The following FOXP2 variants were observed in gnomAD, a reference collection of about 807,000 sequenced individuals.
FOXP2 encodes the protein forkhead box protein P2.
Under a neutral mutation model 115.8 loss-of-function variants are expected in FOXP2, and 12 were observed. That is an observed-to-expected ratio of 0.10 (90% CI 0.07 to 0.17). FOXP2 has a LOEUF of 0.17. FOXP2 is among the 10% of genes least tolerant of loss of function. FOXP2 has a pLI of 1.00. For missense variants in FOXP2, 629 were observed against 843.5 expected (o/e 0.75, Z 3.15); for synonymous variants, 328 against 297.7 (o/e 1.10, Z -1.05).
chr7:114,337,529 A>G (rs183648848), intron 2 of FOXP2, among the ~76,000 whole-genome samples: 1 of 151,342 alleles, frequency 6.6e-6, no homozygotes, highest in Admixed American at 6.6e-5. Context: ...TAAAACAAAG[A>G]GGAGAGTGGT....
intron 1 of FOXP2, among the ~76,000 whole-genome samples, chr7:114,185,972 C>T (rs1053674764): frequency 1.2e-4 from 18 of 151,222 alleles, no homozygotes; most frequent in African/African-American, 3.7e-4. Context: ...TATGGCATCA[C>T]GTGGAAGAAG....
At chr7:114,561,611 A>G (rs1286693725) in intron 3 of FOXP2, 1 of 152,220 alleles carries the variant, frequency 6.6e-6, no homozygotes, top group Admixed American at 6.5e-5. Flanking sequence ...TTTGTTAGCA[A>G]TGAATGGCAC....
At chr7:114,529,562 A>G (rs745507892) in intron 2 of FOXP2, among the ~76,000 whole-genome samples, 13 of 151,916 alleles carry the variant, frequency 8.6e-5, no homozygotes, top group Non-Finnish European at 1.6e-4. Flanking sequence ...ATAGTGATGT[A>G]CAGTGTAAAT....
chr7:114,161,403 C>T (rs1005178637), upstream of FOXP2, among the ~76,000 whole-genome samples: 1 of 152,106 alleles, frequency 6.6e-6, no homozygotes, highest in Non-Finnish European at 1.5e-5. Context: ...GAAAATTGCA[C>T]AAGTATCAAT....
At chr7:114,608,501 A>T (rs1482091608) in intron 3 of FOXP2, among the ~76,000 whole-genome samples, 1 of 152,244 alleles carries the variant, frequency 6.6e-6, no homozygotes, top group Non-Finnish European at 1.5e-5. Context: ...AAGTGATCAC[A>T]GTAGTCACAT....
chr7:114,172,248 G>A (rs998647905), intron 1 of FOXP2, among the ~76,000 whole-genome samples: 7 of 152,144 alleles, frequency 4.6e-5, no homozygotes, highest in African/African-American at 1.7e-4. Context: ...ACTTTATTAC[G>A]GTAGTCTGAT....
chr7:114,124,527 C>T (rs577884681), intron 1 of FOXP2, among the ~76,000 whole-genome samples: 19 of 152,140 alleles, frequency 1.2e-4, no homozygotes, highest in African/African-American at 4.6e-4. Context: ...CTGATTAACA[C>T]ATGACATAAT....
At chr7:114,163,621 A>G (rs941863821) in intron 1 of FOXP2, among the ~76,000 whole-genome samples, 2 of 152,182 alleles carry the variant, frequency 1.3e-5, no homozygotes, top group African/African-American at 4.8e-5. Flanking sequence ...AGTGTACTGG[A>G]AAGACTGATT....
chr7:114,162,441 C>A (rs1470726501), upstream of FOXP2, among the ~76,000 whole-genome samples: 1 of 152,000 alleles, frequency 6.6e-6, no homozygotes, highest in Admixed American at 6.6e-5. Context: ...AGGCCCTGTA[C>A]TGTTTCTGGT....
intron 3 of FOXP2, among the ~76,000 whole-genome samples, chr7:114,626,477 A>C (rs1804591435): frequency 6.6e-6 from 1 of 151,806 alleles, no homozygotes; most frequent in Non-Finnish European, 1.5e-5. Context: ...AGGAGCGGTT[A>C]TGTAAGAAAA....
chr7:114,372,446 G>C (rs189997785), intron 2 of FOXP2, among the ~76,000 whole-genome samples: 124 of 152,162 alleles, frequency 8.1e-4, no homozygotes, highest in African/African-American at 2.6e-3. Context: ...AGCATTTCCT[G>C]GGAAAACTGG....
At position 114,260,884 on chromosome 7, in the gene FOXP2, A is replaced by G. The variant is rs1352681575; in HGVS notation, c.-101-27135A>G. Among the ~76,000 whole-genome samples, 4 of 149,980 alleles carry G rather than the reference A, an allele frequency of 2.7e-5. No individual in the cohort carries two copies. In the South Asian group the frequency reaches 8.3e-4, roughly 31 times the overall value. On this transcript the variant is annotated intron_variant, in intron 1 of 17. Coordinates refer to the FOXP2 transcript ENST00000634411. ...CCCAGGCAATTAACCGAACACATGA[A>G]AAAAGAAATTAACGAGTGGGTGGAA...
chr7:114,169,100 C>G (rs536599193), intron 1 of FOXP2, among the ~76,000 whole-genome samples: 1 of 152,346 alleles, frequency 6.6e-6, no homozygotes, highest in East Asian at 1.9e-4. Flanking sequence ...TCTGCTAGGG[C>G]AGTGCAGAAG....
chr7:114,386,993 T>C (rs973723857), intron 2 of FOXP2, among the ~76,000 whole-genome samples: 1 of 152,204 alleles, frequency 6.6e-6, no homozygotes, highest in African/African-American at 2.4e-5. Flanking sequence ...GTGAACAACT[T>C]ACCTCATCAG....
chr7:114,443,882 T>C (rs1022913302), intron 2 of FOXP2, among the ~76,000 whole-genome samples: 2 of 152,180 alleles, frequency 1.3e-5, no homozygotes, highest in African/African-American at 2.4e-5. Context: ...GAGATGAATA[T>C]ATGCATGCAT....
At chr7:114,645,173 TA>T (rs1805817046) in intron 8 of FOXP2, 2 of 127,612 alleles carry the variant, frequency 1.6e-5, no homozygotes, top group African/African-American at 6.0e-5. Context: ...TATATATATA[TA>T]TATATTTCAG....
chr7:114,398,331 A>T (rs1027410819), intron 2 of FOXP2, among the ~76,000 whole-genome samples: 3 of 152,174 alleles, frequency 2.0e-5, no homozygotes, highest in African/African-American at 7.2e-5. Flanking sequence ...TCTTAAATAG[A>T]CAATAAATGA....
At chr7:114,605,098 G>A (rs945018514) in intron 3 of FOXP2, among the ~76,000 whole-genome samples, 2 of 152,166 alleles carry the variant, frequency 1.3e-5, no homozygotes, top group Admixed American at 1.3e-4. Flanking sequence ...TTAACTCAGA[G>A]TTGTACTTGT....
intron 1 of FOXP2, chr7:114,419,919 T>A (rs1391585675): frequency 6.6e-6 from 1 of 151,936 alleles, no homozygotes; most frequent in Non-Finnish European, 1.5e-5. Flanking sequence ...GTACCGCCTA[T>A]GCTGTGGGTC....
Sources: gnomAD v4.1 joint callset for allele counts (sites outside exome capture counted in the v4.1 genomes callset) on GRCh38, gnomAD v4.1.1 for gene constraint, MANE v1.5 for transcripts, NCBI Gene and HGNC (gene_info 2026-07-23, HGNC 2026-07-21) for gene names.